MAP2K6: variants seen among roughly 807,000 people sequenced by gnomAD.
MAP2K6 encodes the protein mitogen-activated protein kinase kinase 6.
Under a neutral mutation model 53.7 loss-of-function variants are expected in MAP2K6, and 16 were observed. That is an observed-to-expected ratio of 0.30 (90% CI 0.20 to 0.45). The LOEUF (loss-of-function observed/expected upper bound fraction) is 0.45, where lower values mean the gene tolerates loss of function less well. MAP2K6 is among the 20% of genes least tolerant of loss of function. The pLI, the probability that MAP2K6 is intolerant of heterozygous loss-of-function variation, is 1.00. For missense variants in MAP2K6, 204 were observed against 411.9 expected, an observed-to-expected ratio of 0.50 and a Z score of 4.37; for synonymous variants, 132 against 143.1, an observed-to-expected ratio of 0.92 and a Z score of 0.55.
intron 1 of MAP2K6, among the ~76,000 whole-genome samples, chr17:69,486,759 C>G (rs1212491467): frequency 6.7e-6 from 1 of 148,810 alleles, no homozygotes; most frequent in Non-Finnish European, 1.5e-5. Context: ...GTCATCCAAA[C>G]CCCCTGCTTA....
At position 69,536,040 on chromosome 17, in the gene MAP2K6, A is replaced by G. The variant is rs375463485; in HGVS notation, c.882-75A>G. On this transcript the variant is annotated intron_variant, in intron 10 of 11. Transcript: ENST00000590474. ...TAAAGCTGATTATGTTTAGTGTTCT[A>G]CAGGTTCTGAAATCCTTGTCTAATG... 5.3e-6 allele frequency: 5 copies of G among 942,750 alleles called. No individual in the cohort carries two copies. The East Asian group carries it at 7.2e-5, about 14-fold the overall frequency. 58.4% of individuals were successfully genotyped at this position (942,750 alleles called of 1,614,324 possible).
intron 11 of MAP2K6, among the ~76,000 whole-genome samples, chr17:69,539,565 C>G (rs1911514905): frequency 6.6e-6 from 1 of 152,158 alleles, no homozygotes; most frequent in South Asian, 2.1e-4. Context: ...GCTCTCATAG[C>G]ATTTTCTCAA....
At chr17:69,498,650 C>CACACACACA (rs1235459376) in intron 1 of MAP2K6, among the ~76,000 whole-genome samples, 1 of 145,420 alleles carries the variant, frequency 6.9e-6, no homozygotes, top group African/African-American at 2.6e-5. Flanking sequence ...CACCTGGAAG[C>CACACACACA]CACACACACA....
At chr17:69,437,120 C>A (rs1906671023) in intron 1 of MAP2K6, among the ~76,000 whole-genome samples, 1 of 152,200 alleles carries the variant, frequency 6.6e-6, no homozygotes, top group South Asian at 2.1e-4. Flanking sequence ...AGCCACCGTG[C>A]CTGCCTGTAT....
chr17:69,529,604 G>T (rs1910972927), intron 10 of MAP2K6, among the ~76,000 whole-genome samples: 1 of 149,822 alleles, frequency 6.7e-6, no homozygotes, highest in South Asian at 2.1e-4. Flanking sequence ...TCCGCCTCCT[G>T]GGTTCACGCC....
chr17:69,465,697 G>GCAA (rs1907774517), intron 1 of MAP2K6, among the ~76,000 whole-genome samples: 1 of 149,950 alleles, frequency 6.7e-6, no homozygotes, highest in South Asian at 2.1e-4. Flanking sequence ...TCGGCTCACT[G>GCAA]CAACCCCTGC....
At chr17:69,507,067 C>G (rs115221799) in intron 2 of MAP2K6, among the ~76,000 whole-genome samples, 2 of 151,502 alleles carry the variant, frequency 1.3e-5, no homozygotes, top group Non-Finnish European at 2.9e-5. Flanking sequence ...AGCTTACAGT[C>G]AAATATGTGG....
chr17:69,495,380 C>T (rs1025246151), intron 1 of MAP2K6, among the ~76,000 whole-genome samples: 3 of 151,938 alleles, frequency 2.0e-5, no homozygotes, highest in African/African-American at 7.3e-5. Flanking sequence ...GGACTACAGG[C>T]GCCCACCAAC....
intron 11 of MAP2K6, among the ~76,000 whole-genome samples, chr17:69,538,645 A>G (rs1476481094): frequency 6.6e-6 from 1 of 152,238 alleles, no homozygotes; most frequent in African/African-American, 2.4e-5. Context: ...GGACAGTTTA[A>G]TTAAGGCCTT....
chr17:69,526,667 C>A lies in MAP2K6; in HGVS notation c.839C>A (p.Ala280Glu). Residue 280 changes from alanine to glutamate, a missense_variant, in exon 10 of 12, where the codon GCA (alanine) becomes GAA (glutamate). By Grantham distance (107) the Ala-to-Glu change is moderately radical. Coordinates refer to ENST00000590474, the MANE Select transcript of MAP2K6 (RefSeq NM_002758.4). ...GAGGAGCCATCGCCACAACTCCCAG[C>A]AGACAAGTTCTCTGCAGAGTTTGTT... ...VVEEPSPQLPADKFSAEFVDF... is the reference protein window; with the variant it reads ...VVEEPSPQLPEDKFSAEFVDF... 6.2e-7 allele frequency: 1 copy of A among 1,614,050 alleles called. No individual in the cohort carries two copies.
At chr17:69,533,954 G>A (rs1341899952) in intron 10 of MAP2K6, among the ~76,000 whole-genome samples, 2 of 151,994 alleles carry the variant, frequency 1.3e-5, no homozygotes, top group African/African-American at 4.8e-5. Context: ...GAAGGGGAGA[G>A]GAAGCCGCAA....
In MAP2K6 at chr17:69,545,408, A is replaced by C. The variant is rs1274132521; in HGVS notation, c.*3655A>C. 1.3e-5 allele frequency: 2 copies of C among 152,246 alleles called. No individual in the cohort carries two copies. The highest frequency in any genetic ancestry group is 3.8e-4 in the East Asian group (2 of 5,206). 9.4% of individuals were successfully genotyped at this position (152,246 alleles called of 1,614,324 possible). ...TGTGTTTGGTCACACTGATTTAATCAGAACAAATGGGTTAAATAAGCAGCT... is the reference window on the plus strand; with the variant it reads ...TGTGTTTGGTCACACTGATTTAATCCGAACAAATGGGTTAAATAAGCAGCT... On this transcript the variant is annotated 3_prime_UTR_variant, in exon 12 of 12. Coordinates refer to ENST00000590474, the MANE Select transcript of MAP2K6 (RefSeq NM_002758.4).
At chr17:69,516,827 T>G in intron 2 of MAP2K6, 28 bp from the exon 3 acceptor site, 1 of 1,540,276 alleles carries the variant, frequency 6.5e-7, no homozygotes, top group South Asian at 1.1e-5. Flanking sequence ...TAGCTTATGT[T>G]TCTTCTTTTC....
intron 1 of MAP2K6, among the ~76,000 whole-genome samples, chr17:69,462,150 T>A (rs1907642403): frequency 1.3e-5 from 2 of 152,120 alleles, no homozygotes; most frequent in Non-Finnish European, 2.9e-5. Context: ...CATTGCAGAA[T>A]CCTTCACAGG....
At chr17:69,538,322 T>C (rs1911452965) in intron 11 of MAP2K6, among the ~76,000 whole-genome samples, 2 of 152,256 alleles carry the variant, frequency 1.3e-5, no homozygotes, top group Admixed American at 1.3e-4. Flanking sequence ...GCAGCTGATG[T>C]CAAATTCTAC....
chr17:69,472,514 A>T (rs1908015313), intron 1 of MAP2K6, among the ~76,000 whole-genome samples: 1 of 151,940 alleles, frequency 6.6e-6, no homozygotes, highest in Admixed American at 6.6e-5. Flanking sequence ...CATCTCAAAG[A>T]TGTGCATGTG....
chr17:69,502,257 T>C, intron 1 of MAP2K6: 2 of 985,464 alleles, frequency 2.0e-6, no homozygotes, highest in Non-Finnish European at 2.4e-6. Context: ...GGGTGGAGTC[T>C]GTTCAGTTCT....
At chr17:69,446,859 GGTT>G (rs1349417935) in intron 1 of MAP2K6, among the ~76,000 whole-genome samples, 2 of 101,858 alleles carry the variant, frequency 2.0e-5, no homozygotes, top group East Asian at 3.2e-4. Flanking sequence ...TTAAGAATAA[GGTT>G]TTTTTTTTTT....
intron 1 of MAP2K6, among the ~76,000 whole-genome samples, chr17:69,471,245 C>G (rs1907971920): frequency 6.6e-6 from 1 of 152,194 alleles, no homozygotes; most frequent in Non-Finnish European, 1.5e-5. Context: ...AAAATGTCAA[C>G]TTTACAAAGT....
Sources: gnomAD v4.1 joint callset for allele counts (sites outside exome capture counted in the v4.1 genomes callset) on GRCh38, gnomAD v4.1.1 for gene constraint, MANE v1.5 for transcripts, NCBI Gene and HGNC (gene_info 2026-07-23, HGNC 2026-07-21) for gene names.